The following IPO11 variants were observed in gnomAD, a reference collection of about 807,000 sequenced individuals.
IPO11 encodes the protein importin 11.
In IPO11, 66 loss-of-function variants were observed where a neutral mutation model predicts 143.2. The ratio of observed to expected loss-of-function variants is 0.46; its 90% CI spans 0.38 to 0.57. The LOEUF (loss-of-function observed/expected upper bound fraction) is 0.57. Ranked by LOEUF, IPO11 falls within the 20% of genes least tolerant of loss-of-function variation. The probability of loss-of-function intolerance (pLI) is 0.00; values close to 1 mark genes in which losing one functional copy is unlikely to be tolerated. For synonymous variants in IPO11, 385 were observed against 377.8 expected (o/e 1.02, Z -0.22); for missense variants, 1,026 against 1,141.0 (o/e 0.90, Z 1.45).
chr5:62,474,564 C>T, intron 8 of IPO11, 100 bp downstream of exon 8: 1 of 835,116 alleles, frequency 1.2e-6, no homozygotes, highest in Non-Finnish European at 1.9e-6. Flanking sequence ...TTAATAGATG[C>T]TTATTCATTA....
At chr5:62,439,796 T>C (rs1204734259) in intron 2 of IPO11, among the ~76,000 whole-genome samples, 1 of 152,174 alleles carries the variant, frequency 6.6e-6, no homozygotes, top group African/African-American at 2.4e-5. Flanking sequence ...TTAGTCTTCC[T>C]TTTTCCCCTA....
At chr5:62,547,346 C>T (rs996970195) in intron 24 of IPO11, among the ~76,000 whole-genome samples, 1 of 152,066 alleles carries the variant, frequency 6.6e-6, no homozygotes, top group South Asian at 2.1e-4. Context: ...CCCACAGGCA[C>T]CTCAAATTCG....
At chr5:62,594,380 C>T (rs961825532) in intron 28 of IPO11, among the ~76,000 whole-genome samples, 12 of 152,292 alleles carry the variant, frequency 7.9e-5, no homozygotes, top group South Asian at 4.1e-4. Flanking sequence ...ATACAGTCCA[C>T]AGTTCTTTGT....
intron 29 of IPO11, among the ~76,000 whole-genome samples, chr5:62,625,284 T>C (rs1384849229): frequency 1.3e-5 from 2 of 152,230 alleles, no homozygotes; most frequent in Admixed American, 6.5e-5. Context: ...AGAAGACTAC[T>C]TCATAGGTTG....
chr5:62,624,220 G>A (rs1171142230), intron 29 of IPO11, among the ~76,000 whole-genome samples: 3 of 151,858 alleles, frequency 2.0e-5, no homozygotes, highest in Non-Finnish European at 4.4e-5. Context: ...TTTTAGTAGA[G>A]ACGGGGTTTC....
At chr5:62,575,278 C>T (rs1744277757) in intron 27 of IPO11, among the ~76,000 whole-genome samples, 1 of 152,180 alleles carries the variant, frequency 6.6e-6, no homozygotes, top group Non-Finnish European at 1.5e-5. Flanking sequence ...CTGTTGTTAA[C>T]TTTTGTCCCA....
intron 1 of IPO11, among the ~76,000 whole-genome samples, chr5:62,436,385 A>G (rs574084559): frequency 2.0e-5 from 3 of 152,360 alleles, no homozygotes; most frequent in South Asian, 4.1e-4. Context: ...AGCTGTATCA[A>G]TACAGTACAA....
Position 62,537,215 on chromosome 5 carries a change from G to A in IPO11, c.2176G>A (p.Ala726Thr), listed in dbSNP as rs147414849. Residue 726 changes from alanine to threonine, a missense_variant, in exon 24 of 30, where the codon GCA (alanine) becomes ACA (threonine). By Grantham distance (58) the Ala-to-Thr change is moderately conservative (BLOSUM62 0). Around this residue, in one of 5 missense-constraint regions of IPO11, gnomAD observed 351 missense variants for 358.9 expected, o/e 0.98. Transcript: ENST00000325324. Reference protein sequence around the residue: ...LSSTEFLQTYAVGLCQSFCEL... With the variant: ...LSSTEFLQTYTVGLCQSFCEL... ...ACTTTTAATTGAATTTCAGACATAC[G>A]CAGTAGGTCTATGCCAGTCCTTTTG... The A allele has an allele frequency of 7.2e-5, 113 of 1,577,978 alleles. No individual in the cohort carries two copies. Among genetic ancestry groups the A allele is most frequent in the Non-Finnish European group, 9.0e-5 (104 of 1,153,250 alleles).
At chr5:62,426,931 GT>G (rs763031944) in intron 1 of IPO11, among the ~76,000 whole-genome samples, 7,134 of 90,156 alleles carry the variant, frequency 0.079, 63 homozygotes, top group Middle Eastern at 0.12. Context: ...TTTTCTTTCT[GT>G]TTTTTTTTTT....
At chr5:62,577,832 A>G (rs1744376293) in intron 27 of IPO11, among the ~76,000 whole-genome samples, 1 of 152,114 alleles carries the variant, frequency 6.6e-6, no homozygotes, top group Admixed American at 6.6e-5. Flanking sequence ...CTTTAATATC[A>G]AAGGAGAGTT....
chr5:62,471,389 G>A (rs530738880), intron 7 of IPO11, among the ~76,000 whole-genome samples: 2 of 151,822 alleles, frequency 1.3e-5, no homozygotes, highest in South Asian at 4.2e-4. Flanking sequence ...TGTTAAATGA[G>A]TTTAAAACCC....
chr5:62,580,885 C>A (rs898800957), intron 27 of IPO11: 2 of 1,551,316 alleles, frequency 1.3e-6, no homozygotes, highest in Admixed American at 3.9e-5. Context: ...AGCAGTGTTA[C>A]CTGTGCAAAT....
intron 27 of IPO11, among the ~76,000 whole-genome samples, chr5:62,588,513 G>A (rs12654936): frequency 0.096 from 14,663 of 152,258 alleles, 792 homozygotes; most frequent in East Asian, 0.14. Context: ...AATTATAGGC[G>A]TGAGCCGCCA....
At chr5:62,621,382 C>A (rs1353342265) in intron 29 of IPO11, among the ~76,000 whole-genome samples, 1 of 152,092 alleles carries the variant, frequency 6.6e-6, no homozygotes, top group Non-Finnish European at 1.5e-5. Flanking sequence ...TTAACAGGTC[C>A]CCATCTCGCA....
intron 24 of IPO11, among the ~76,000 whole-genome samples, chr5:62,543,273 CT>C (rs1165438101): frequency 6.6e-6 from 1 of 152,154 alleles, no homozygotes; most frequent in Non-Finnish European, 1.5e-5. Flanking sequence ...CCAGCTCCTC[CT>C]TGTACCTCTG....
chr5:62,446,417 C>T (rs1001343050), intron 3 of IPO11, among the ~76,000 whole-genome samples: 59 of 152,158 alleles, frequency 3.9e-4, no homozygotes, highest in African/African-American at 1.3e-3. Context: ...CAGCAACATA[C>T]GAGTGTTTGT....
intron 19 of IPO11, among the ~76,000 whole-genome samples, chr5:62,509,498 G>A (rs1052859391): frequency 6.6e-6 from 1 of 152,064 alleles, no homozygotes; most frequent in Non-Finnish European, 1.5e-5. Context: ...AAATTCTTTG[G>A]TAAGAACACT....
chr5:62,441,496 C>CTTTTTTTTTT (rs995019567), intron 2 of IPO11, among the ~76,000 whole-genome samples: 2 of 47,374 alleles, frequency 4.2e-5, no homozygotes, highest in Non-Finnish European at 7.2e-5. Flanking sequence ...TGTGCCTGGC[C>CTTTTTTTTTT]TTTTTTTTTT....
At chr5:62,570,013 T>C (rs141189980) in intron 27 of IPO11, among the ~76,000 whole-genome samples, 64 of 152,322 alleles carry the variant, frequency 4.2e-4, no homozygotes, top group African/African-American at 1.5e-3. Flanking sequence ...CTTGTGAGTT[T>C]GGGGACTGGT....
Sources: allele counts gnomAD v4.1 joint callset (sites outside exome capture counted in the v4.1 genomes callset), GRCh38; gene constraint gnomAD v4.1.1; regional missense constraint gnomAD v4.1.1; transcripts MANE v1.5; gene names NCBI Gene and HGNC (gene_info 2026-07-23, HGNC 2026-07-21).